The following OR2L13 variants were observed in gnomAD, a reference collection of about 807,000 sequenced individuals.
OR2L13 encodes olfactory receptor 2L13.
A neutral mutation model predicts 15.3 loss-of-function variants in OR2L13; 14 were observed. The ratio of observed to expected loss-of-function variants is 0.91; its 90% CI spans 0.60 to 1.43. The LOEUF is 1.43. Among genes scored for constraint, OR2L13 ranks in the 40% most tolerant of loss-of-function variants. The pLI, the probability that OR2L13 is intolerant of heterozygous loss-of-function variation, is 0.00. For missense variants in OR2L13, 367 were observed against 387.9 expected (o/e 0.95, Z 0.45); for synonymous variants, 152 against 142.9 (o/e 1.06, Z -0.45).
At chr1:248,053,401 G>T in the OR2L13 span, among the ~76,000 whole-genome samples, 1 of 152,166 alleles carries the variant, frequency 6.6e-6, no homozygotes. Context: ...TGTGGATAGT[G>T]CTGCAATGAA....
the OR2L13 span, chr1:248,022,286 C>A: frequency 3.7e-6 from 6 of 1,614,100 alleles, no homozygotes; most frequent in Non-Finnish European, 5.1e-6. Context: ...AAGCGCTGCT[C>A]CTGACATCAA....
the OR2L13 span, among the ~76,000 whole-genome samples, chr1:247,947,025 A>G: frequency 6.6e-6 from 1 of 152,110 alleles, no homozygotes; most frequent in Non-Finnish European, 1.5e-5. Context: ...ATCTTCCCTA[A>G]ATAGCAGTCT....
chr1:248,061,690 T>C, the OR2L13 span: 1 of 1,338,840 alleles, frequency 7.5e-7, no homozygotes, highest in Non-Finnish European at 1.0e-6. Context: ...AATTAAAATA[T>C]TATTTCAATC....
chr1:248,022,896 C>G, the OR2L13 span: 1 of 1,592,804 alleles, frequency 6.3e-7, no homozygotes, highest in Middle Eastern at 1.7e-4. Context: ...GACATACGTT[C>G]TGTGTTAGAG....
upstream of OR2L13, among the ~76,000 whole-genome samples, chr1:248,090,244 G>A (rs1438533029): frequency 6.6e-6 from 1 of 152,118 alleles, no homozygotes; most frequent in Non-Finnish European, 1.5e-5. Flanking sequence ...CACTCTCAGG[G>A]TATGTAAATG....
chr1:248,038,505 A>T, the OR2L13 span: 2 of 1,613,938 alleles, frequency 1.2e-6, no homozygotes, highest in South Asian at 2.2e-5. Flanking sequence ...TGTTCCAAAG[A>T]TGGTTTATGA....
chr1:248,048,049 G>A, the OR2L13 span, among the ~76,000 whole-genome samples: 4 of 152,110 alleles, frequency 2.6e-5, no homozygotes, highest in Admixed American at 6.6e-5. Context: ...AACTTACAGC[G>A]TGAAGCAGAG....
At chr1:248,028,426 C>T in the OR2L13 span, among the ~76,000 whole-genome samples, 1 of 152,160 alleles carries the variant, frequency 6.6e-6, no homozygotes, top group Non-Finnish European at 1.5e-5. Flanking sequence ...TGGTTATCAC[C>T]TGAATTTTGT....
chr1:248,082,347 T>G, the OR2L13 span, among the ~76,000 whole-genome samples: 3 of 718 alleles, frequency 4.2e-3, no homozygotes, highest in East Asian at 0.062. Flanking sequence ...TGTGGTGGGG[T>G]GGGGGGTGGG....
At chr1:248,065,450 A>G in the OR2L13 span, among the ~76,000 whole-genome samples, 1 of 151,088 alleles carries the variant, frequency 6.6e-6, no homozygotes, top group Non-Finnish European at 1.5e-5. Flanking sequence ...TATTATTATT[A>G]TACTGTAAGT....
At chr1:247,981,153 G>T in the OR2L13 span, among the ~76,000 whole-genome samples, 1 of 152,248 alleles carries the variant, frequency 6.6e-6, no homozygotes, top group African/African-American at 2.4e-5. Context: ...TTCTGGATGG[G>T]AAGCTAAATG....
At chr1:247,938,982 A>T in the OR2L13 span, 1 of 152,178 alleles carries the variant, frequency 6.6e-6, no homozygotes, top group South Asian at 2.1e-4. Context: ...TTTTGTGGCA[A>T]TTCATTTGAG....
the OR2L13 span, among the ~76,000 whole-genome samples, chr1:248,034,677 A>G: frequency 6.6e-6 from 1 of 152,216 alleles, no homozygotes; most frequent in Admixed American, 6.5e-5. Flanking sequence ...TTTTCAATAT[A>G]TAAGCCTTTT....
At chr1:248,037,408 T>C in the OR2L13 span, among the ~76,000 whole-genome samples, 2 of 152,154 alleles carry the variant, frequency 1.3e-5, no homozygotes, top group Admixed American at 6.5e-5. Context: ...CATATGCATT[T>C]AATTTACCTT....
At chr1:248,085,436 T>TAAAATA in the OR2L13 span, among the ~76,000 whole-genome samples, 1 of 84,552 alleles carries the variant, frequency 1.2e-5, no homozygotes, top group African/African-American at 4.5e-5. Context: ...TAAAATAAAA[T>TAAAATA]AATAAAATAA....
chr1:248,065,841 A>G, the OR2L13 span, among the ~76,000 whole-genome samples: 1 of 144,238 alleles, frequency 6.9e-6, no homozygotes, highest in Non-Finnish European at 1.5e-5. Context: ...AGCTGAAAAC[A>G]TGTGAGAAAT....
At chr1:248,028,140 CAAAAAAAAA>C in the OR2L13 span, among the ~76,000 whole-genome samples, 11 of 37,780 alleles carry the variant, frequency 2.9e-4, no homozygotes, top group Admixed American at 3.9e-4. Flanking sequence ...GATTCCGTCT[CAAAAAAAAA>C]AAAAAAAAAA....
At chr1:248,038,589 G>A in the OR2L13 span, 66 of 1,614,066 alleles carry the variant, frequency 4.1e-5, no homozygotes, top group South Asian at 6.6e-4. Context: ...GACTTTAGCA[G>A]TTGCAGAAGG....
At chr1:248,048,937 TG>T in the OR2L13 span, among the ~76,000 whole-genome samples, 13 of 151,370 alleles carry the variant, frequency 8.6e-5, no homozygotes, top group African/African-American at 2.4e-4. Flanking sequence ...TTTTTTTTTT[TG>T]GTAAATCCAC....
Sources: allele counts gnomAD v4.1 joint callset (sites outside exome capture counted in the v4.1 genomes callset), GRCh38; gene constraint gnomAD v4.1.1; transcripts MANE v1.5; gene names NCBI Gene and HGNC (gene_info 2026-07-23, HGNC 2026-07-21).